The following TECTA variants were observed in gnomAD, a reference collection of about 807,000 sequenced individuals.
TECTA encodes the protein tectorin alpha.
A neutral mutation model predicts 216.8 loss-of-function variants in TECTA; 128 were observed. The ratio of observed to expected loss-of-function variants is 0.59; its 90% CI spans 0.51 to 0.68. TECTA has a LOEUF of 0.68. TECTA is among the 30% of genes least tolerant of loss of function. TECTA has a pLI of 0.00. For missense variants in TECTA, 2,551 were observed against 2,786.2 expected (o/e 0.92, Z 1.90); for synonymous variants, 1,089 against 1,117.1 (o/e 0.97, Z 0.50).
rs554453576 is a variant in TECTA at position 121,102,759 on chromosome 11, CAGTT to C, written c.64+33_64+36del. On this transcript the variant is annotated intron_variant, in intron 2 of 23. Coordinates refer to ENST00000392793, the MANE Select transcript of TECTA (RefSeq NM_005422.4). ...GTACTACAGAATTCCATAAAGCTCT[CAGTT>C]AGCATGCTCTTGAATTGATAAAGAG... 169 of 1,593,100 alleles carry C rather than the reference CAGTT, an allele frequency of 1.1e-4. No individual in the cohort carries two copies. In the East Asian group the frequency reaches 3.5e-3, roughly 33 times the overall value.
Position 121,128,238 on chromosome 11 carries a change from T to A in TECTA, c.2261T>A (p.Ile754Asn). 1 of 1,601,008 alleles carries A rather than the reference T, an allele frequency of 6.2e-7. No individual in the cohort carries two copies. The highest frequency in any genetic ancestry group is 8.5e-7 in the Non-Finnish European group (1 of 1,179,946). The change falls in exon 9 of 24, where the codon ATC becomes AAC. Residue 754 changes from isoleucine (I) to asparagine (N), a missense_variant. Physicochemically the swap from Ile to Asn is moderately radical, Grantham distance 149 (BLOSUM62 -3). Transcript: ENST00000392793. ...CGCCCAGAGTACTTGGAAATCGACATCAACAAGAAGAAGCCCGATGCAGGA... is the reference window on the plus strand; with the variant it reads ...CGCCCAGAGTACTTGGAAATCGACAACAACAAGAAGAAGCCCGATGCAGGA... ...PERPEYLEIDINKKKPDAGPA... is the reference protein window; with the variant it reads ...PERPEYLEIDNNKKKPDAGPA...
chr11:121,139,737 C>A (rs1946766125), intron 11 of TECTA, among the ~76,000 whole-genome samples: 1 of 152,002 alleles, frequency 6.6e-6, no homozygotes, highest in African/African-American at 2.4e-5. Flanking sequence ...CCGCTTTCTT[C>A]CAGGGTTCCC....
At chr11:121,109,619 C>T (rs2135055300) in intron 4 of TECTA, 121 bp downstream of exon 4, 1 of 1,268,178 alleles carries the variant, frequency 7.9e-7, no homozygotes, top group East Asian at 2.4e-5. Flanking sequence ...TTGAGTTAAA[C>T]TAATGAGTTT....
intron 16 of TECTA, among the ~76,000 whole-genome samples, chr11:121,162,812 C>T (rs983443524): frequency 2.0e-5 from 3 of 152,136 alleles, no homozygotes; most frequent in Admixed American, 1.3e-4. Context: ...TCCACCTGGG[C>T]TCAAAGGAAG....
chr11:121,103,016 A>G (rs558100664), intron 2 of TECTA, among the ~76,000 whole-genome samples: 1 of 152,224 alleles, frequency 6.6e-6, no homozygotes, highest in African/African-American at 2.4e-5. Context: ...TATTTCCATT[A>G]AAAGTAGATA....
At chr11:121,163,732 G>A (rs1434319418) in intron 16 of TECTA, among the ~76,000 whole-genome samples, 2 of 152,096 alleles carry the variant, frequency 1.3e-5, no homozygotes, top group Admixed American at 6.6e-5. Context: ...CTATCTAAGG[G>A]CATGTCTTAT....
intron 4 of TECTA, chr11:121,109,757 A>T: frequency 4.1e-6 from 2 of 483,874 alleles, no homozygotes; most frequent in Non-Finnish European, 3.8e-6. Flanking sequence ...ACCCTCAAAA[A>T]CTTTCCTGCT....
Position 121,138,027 on chromosome 11 carries a change from G to A in TECTA, c.3543+5G>A. 1.2e-6 allele frequency: 2 copies of A among 1,613,806 alleles called. No individual in the cohort carries two copies. Among genetic ancestry groups the A allele is most frequent in the Non-Finnish European group, 1.7e-6 (2 of 1,179,768 alleles). ...GCTTACAAGCACACTGTGCTGGTGA[G>A]TAGTCATGAGGTCCCCTCAAAAGGG... On this transcript the variant is annotated splice_donor_5th_base_variant and intron_variant, in intron 11 of 23. Transcript: ENST00000392793.
intron 11 of TECTA, among the ~76,000 whole-genome samples, chr11:121,141,774 G>A (rs1946786587): frequency 6.6e-6 from 1 of 152,220 alleles, no homozygotes; most frequent in Admixed American, 6.5e-5. Context: ...TCATGAGCTT[G>A]TATTGATGTC....
chr11:121,174,967 G>A (rs962673278), intron 20 of TECTA, among the ~76,000 whole-genome samples: 4 of 152,194 alleles, frequency 2.6e-5, no homozygotes, highest in African/African-American at 9.6e-5. Context: ...AGATTTTCTA[G>A]TTTATTTGCG....
intron 10 of TECTA, 145 bp downstream of exon 10, chr11:121,130,356 C>G (rs1946662014): frequency 1.0e-6 from 1 of 963,452 alleles, no homozygotes. Flanking sequence ...TCTGATGTGT[C>G]CTCCCAAAGA....
In TECTA at chr11:121,127,909, C is replaced by T. The variant is rs372952940; in HGVS notation, c.1932C>T (p.Cys644=). The T allele has an allele frequency of 6.2e-7, 1 of 1,614,122 alleles. No homozygotes were observed. ...GCTTCGTCCTCAGCACCAGCCAGTGCGTCCCTCTGCACAAGTGCGGCTGCG... is the reference window on the plus strand; with the variant it reads ...GCTTCGTCCTCAGCACCAGCCAGTGTGTCCCTCTGCACAAGTGCGGCTGCG... ...NQGFVLSTSQ[C]VPLHKCGCDF... is the part of the protein sequence containing the mutation. Residue 644 remains cysteine (C), a synonymous_variant, in exon 9 of 24, where the codon TGC becomes TGT. Transcript: ENST00000392793. This position sits in a 1 kb window ranked among gnomAD's most constrained non-coding sequence, Gnocchi z 5.0.
intron 20 of TECTA, among the ~76,000 whole-genome samples, chr11:121,183,447 T>C (rs1947251012): frequency 6.6e-6 from 1 of 152,198 alleles, no homozygotes; most frequent in Non-Finnish European, 1.5e-5. Flanking sequence ...AAGTCTGCAG[T>C]GGAATATGGA....
intron 20 of TECTA, among the ~76,000 whole-genome samples, chr11:121,181,489 A>C (rs1947228881): frequency 9.0e-6 from 1 of 111,522 alleles, no homozygotes; most frequent in African/African-American, 4.4e-5. Flanking sequence ...TATTTTTTGA[A>C]ATGGAGTTTT....
At chr11:121,143,219 GA>G (rs1946801019) in intron 11 of TECTA, among the ~76,000 whole-genome samples, 1 of 152,160 alleles carries the variant, frequency 6.6e-6, no homozygotes, top group Non-Finnish European at 1.5e-5. Context: ...GGCCCTTCAT[GA>G]TCCAGGCCCT....
Position 121,128,299 on chromosome 11 carries a change from C to G in TECTA, c.2322C>G (p.Ala774=). The change falls in exon 9 of 24, where the codon GCC becomes GCG. Residue 774 remains alanine (A), a synonymous_variant. Coordinates refer to ENST00000392793, the MANE Select transcript of TECTA (RefSeq NM_005422.4). ...TGCGGGGACTTCGGATCCTGGTGGC[C>G]GACCAGGAGGTCAAGATAGGAGGCA... The part of the protein sequence containing the change: ...AWLRGLRILV[A]DQEVKIGGIG... The G allele has an allele frequency of 6.3e-7, 1 of 1,599,716 alleles. No homozygotes were observed.
At chr11:121,182,692 A>G (rs751315167) in intron 20 of TECTA, among the ~76,000 whole-genome samples, 12 of 151,632 alleles carry the variant, frequency 7.9e-5, no homozygotes, top group Admixed American at 5.9e-4. Flanking sequence ...TGGATGGGGC[A>G]GGTTGATCCC....
chr11:121,140,950 G>A (rs1946778807), intron 11 of TECTA: 1 of 152,208 alleles, frequency 6.6e-6, no homozygotes, highest in African/African-American at 2.4e-5. Context: ...TTCTTTTGGG[G>A]GGACACAGTG....
intron 1 of TECTA, among the ~76,000 whole-genome samples, chr11:121,101,810 G>A (rs1302865548): frequency 1.3e-5 from 2 of 152,226 alleles, no homozygotes; most frequent in Non-Finnish European, 2.9e-5. Flanking sequence ...ACGCTTGGGT[G>A]ATGTCTAACT....
Sources: allele counts gnomAD v4.1 joint callset (sites outside exome capture counted in the v4.1 genomes callset), GRCh38; gene constraint gnomAD v4.1.1; non-coding constraint Gnocchi (gnomAD v3.1); transcripts MANE v1.5; gene names NCBI Gene and HGNC (gene_info 2026-07-23, HGNC 2026-07-21).